SLC22A23: variants seen among roughly 807,000 people sequenced by gnomAD.
SLC22A23 encodes ion transporter protein.
Under a neutral mutation model 61.0 loss-of-function variants are expected in SLC22A23, and 26 were observed. The ratio of observed to expected loss-of-function variants is 0.43; its 90% CI spans 0.31 to 0.59. The LOEUF is 0.59. SLC22A23 is among the 20% of genes least tolerant of loss of function. The pLI, the probability that SLC22A23 is intolerant of heterozygous loss-of-function variation, is 0.11. For synonymous variants in SLC22A23, 430 were observed against 413.9 expected (o/e 1.04, Z -0.47); for missense variants, 796 against 934.7 (o/e 0.85, Z 1.94).
chr6:3,280,539 A>G (rs1239203379), intron 9 of SLC22A23, among the ~76,000 whole-genome samples: 1 of 119,382 alleles, frequency 8.4e-6, no homozygotes, highest in African/African-American at 3.3e-5. Context: ...TCTGTCGCCC[A>G]GGCTGGAGTG....
chr6:3,428,140 GT>G (rs1168644517), intron 1 of SLC22A23, among the ~76,000 whole-genome samples: 6 of 152,238 alleles, frequency 3.9e-5, no homozygotes, highest in Admixed American at 2.6e-4. Context: ...GAGAACACAT[GT>G]CACAACTCAA....
chr6:3,434,190 G>A (rs571546330), intron 1 of SLC22A23, among the ~76,000 whole-genome samples: 1 of 152,108 alleles, frequency 6.6e-6, no homozygotes, highest in African/African-American at 2.4e-5. Flanking sequence ...GTGCATGCCT[G>A]TAATCCCAGC....
chr6:3,353,756 C>T (rs6931764), intron 3 of SLC22A23, among the ~76,000 whole-genome samples: 59,628 of 151,866 alleles, frequency 0.39, 13,324 homozygotes, highest in African/African-American at 0.61. Context: ...GCTTCCAGGG[C>T]TGCTGTTCCC....
chr6:3,402,286 T>C (rs9392489), intron 3 of SLC22A23, among the ~76,000 whole-genome samples: 76,269 of 152,058 alleles, frequency 0.5, 19,474 homozygotes, highest in East Asian at 0.65. Context: ...CTCCAAAACA[T>C]GCATCTAAGG....
intron 3 of SLC22A23, among the ~76,000 whole-genome samples, chr6:3,325,419 A>G (rs1763221358): frequency 6.6e-6 from 1 of 152,248 alleles, no homozygotes. Context: ...ATGCCATCAG[A>G]ATTTCCATTG....
rs1384794644 is a variant in SLC22A23 at position 3,438,613 on chromosome 6, AT to A, written c.654+17292del. On this transcript the variant is annotated intron_variant, in intron 1 of 9. Transcript: ENST00000406686. ...GAAAAGGCTAGTTTGAATTAGAGAC[AT>A]TTTGAAAATAAGTACCTTTTACTTC... The A allele has an allele frequency of 2.1e-5, 9 of 433,376 alleles. No individual in the cohort carries two copies. In the Admixed American group the frequency reaches 2.2e-4, roughly 10 times the overall value. 26.8% of individuals were successfully genotyped at this position (433,376 alleles called of 1,614,324 possible).
intron 3 of SLC22A23, among the ~76,000 whole-genome samples, chr6:3,366,258 G>A (rs6903408): frequency 8.4e-4 from 123 of 146,808 alleles, no homozygotes; most frequent in Middle Eastern, 3.6e-3. Flanking sequence ...GCTTGAACCC[G>A]GGAGGTGGAA....
At position 3,456,243 on chromosome 6, in the gene SLC22A23, G is replaced by A. The variant is rs1225568361; in HGVS notation, c.317C>T (p.Pro106Leu). The A allele has an allele frequency of 1.9e-6, 3 of 1,551,450 alleles. No individual in the cohort carries two copies. Among genetic ancestry groups the A allele is most frequent in the Non-Finnish European group, 2.6e-6 (3 of 1,146,842 alleles). Residue 106 changes from proline to leucine, a missense_variant, in exon 1 of 10, where the codon CCG becomes CTG. By Grantham distance (98) the Pro-to-Leu change is moderately conservative. Transcript: ENST00000406686. This position sits in a 1 kb window ranked among gnomAD's most constrained non-coding sequence, Gnocchi z 7.1. ...QKTLVLLTWI[P>L]ALFIGFSQFS... The stretch of plus-strand genomic sequence containing the variant: ...CTGGCTGAAGCCGATGAACAGCGCC[G>A]GGATCCAGGTGAGCAGCACGAGGGT...
chr6:3,376,575 G>A (rs1039439056), intron 3 of SLC22A23, among the ~76,000 whole-genome samples: 2 of 152,120 alleles, frequency 1.3e-5, no homozygotes, highest in African/African-American at 2.4e-5. Context: ...AGTTCATGCC[G>A]TTCTTTCCCT....
At chr6:3,356,920 T>C (rs910838847) in intron 3 of SLC22A23, among the ~76,000 whole-genome samples, 2 of 152,014 alleles carry the variant, frequency 1.3e-5, no homozygotes, top group Non-Finnish European at 2.9e-5. Flanking sequence ...GCAGGTGGTG[T>C]CTCTAGGAGA....
intron 4 of SLC22A23, among the ~76,000 whole-genome samples, chr6:3,319,354 G>A (rs1353958300): frequency 1.3e-5 from 2 of 152,148 alleles, no homozygotes. Context: ...AAGTTTGTGT[G>A]ACTTCCTCTT....
At position 3,414,096 on chromosome 6, in the gene SLC22A23, T is replaced by C. The variant is rs1047366138; in HGVS notation, c.758+1656A>G. Reference sequence around the variant, plus strand: ...CAAGAAGAAAGTTAAGAAAACAATCTTTAAACAATTTAAACTGTTACAGAC... The same window carrying C: ...CAAGAAGAAAGTTAAGAAAACAATCCTTAAACAATTTAAACTGTTACAGAC... On this transcript the variant is annotated intron_variant, in intron 2 of 9. Coordinates refer to ENST00000406686, the MANE Select transcript of SLC22A23 (RefSeq NM_015482.2). The surrounding 1 kb of genome is among the most constrained non-coding windows in gnomAD (Gnocchi z 5.1). Among the ~76,000 whole-genome samples the C allele has an allele frequency of 1.3e-5, 2 of 152,228 alleles. No individual in the cohort carries two copies. Among genetic ancestry groups the C allele is most frequent in the Non-Finnish European group, 2.9e-5 (2 of 68,034 alleles).
intron 3 of SLC22A23, among the ~76,000 whole-genome samples, chr6:3,371,941 C>T (rs1355873744): frequency 2.0e-5 from 3 of 152,072 alleles, no homozygotes; most frequent in Non-Finnish European, 4.4e-5. Flanking sequence ...TTCACAAATG[C>T]TCAAGAGTAT....
At chr6:3,287,122 G>A in intron 6 of SLC22A23, 31 bp from the exon 7 acceptor site, 1 of 1,602,062 alleles carries the variant, frequency 6.2e-7, no homozygotes, top group African/African-American at 1.3e-5. Context: ...GCAGTGGGTG[G>A]GCTGCCCCCA....
chr6:3,403,494 C>T (rs1420492134), intron 3 of SLC22A23, among the ~76,000 whole-genome samples: 1 of 152,274 alleles, frequency 6.6e-6, no homozygotes, highest in South Asian at 2.1e-4. Flanking sequence ...GGTCTGGAAC[C>T]CTGGGGAAAG....
intron 3 of SLC22A23, among the ~76,000 whole-genome samples, chr6:3,401,447 TA>T (rs1381706379): frequency 1.3e-5 from 2 of 149,920 alleles, no homozygotes; most frequent in African/African-American, 5.0e-5. Context: ...ACTTTCTTTC[TA>T]AAATACTTGG....
chr6:3,429,850 A>T (rs190697773), intron 1 of SLC22A23, among the ~76,000 whole-genome samples: 86 of 152,312 alleles, frequency 5.6e-4, no homozygotes, highest in African/African-American at 1.8e-3. Context: ...TGGAGTAGTT[A>T]AATTCATAGA....
In SLC22A23 at chr6:3,283,459, C is replaced by A; in HGVS notation, c.1703+393G>T. On this transcript the variant is annotated intron_variant, in intron 9 of 9. Transcript: ENST00000406686. ...GGGAGGGCCGGGGGGTAGGCTCTTT[C>A]TACTTTGTGAAACATTTTGCACTAG... 1.1e-5 allele frequency: 3 copies of A among 273,246 alleles called. No individual in the cohort carries two copies. In the South Asian group the frequency reaches 1.1e-4, roughly 10 times the overall value. 16.9% of individuals were successfully genotyped at this position (273,246 alleles called of 1,614,324 possible). A position where few individuals can be genotyped will look rare whatever the true frequency, so the allele number is the denominator to read the frequency against.
In SLC22A23 at chr6:3,410,560, A is replaced by G. The variant is rs955301050; in HGVS notation, c.759-218T>C. Among the ~76,000 whole-genome samples, 1 of 152,180 alleles carries G rather than the reference A, an allele frequency of 6.6e-6. No homozygotes were observed. Among genetic ancestry groups the G allele is most frequent in the Non-Finnish European group, 1.5e-5 (1 of 68,030 alleles). On this transcript the variant is annotated intron_variant, in intron 2 of 9. Transcript: ENST00000406686. This position sits in a 1 kb window ranked among gnomAD's most constrained non-coding sequence, Gnocchi z 5.0. ...TAATTCTCGAGATAAGGGAGCAGAG[A>G]TCAACCAATTACAGAGTAAGAGAAT... is the stretch of plus-strand genomic sequence containing the variant.
Sources: allele counts gnomAD v4.1 joint callset (sites outside exome capture counted in the v4.1 genomes callset), GRCh38; gene constraint gnomAD v4.1.1; non-coding constraint Gnocchi (gnomAD v3.1); transcripts MANE v1.5; gene names NCBI Gene and HGNC (gene_info 2026-07-23, HGNC 2026-07-21).